The following LAMA3 variants were observed in gnomAD, a reference collection of about 807,000 sequenced individuals.
The protein encoded by LAMA3 is laminin subunit alpha 3, also known as laminin subunit alpha-3.
Under a neutral mutation model 402.0 loss-of-function variants are expected in LAMA3, and 281 were observed. The observed-to-expected ratio is 0.70, with a 90% CI of 0.63 to 0.77. The LOEUF is 0.77. Ranked by LOEUF, LAMA3 falls within the 30% of genes least tolerant of loss-of-function variation. The pLI is 0.00. For synonymous variants in LAMA3, 1,431 were observed against 1,558.4 expected, an observed-to-expected ratio of 0.92 and a Z score of 1.93; for missense variants, 3,840 against 4,215.5, an observed-to-expected ratio of 0.91 and a Z score of 2.47.
At chr18:23,820,463 G>C (rs930070304) in intron 19 of LAMA3, among the ~76,000 whole-genome samples, 1 of 152,086 alleles carries the variant, frequency 6.6e-6, no homozygotes, top group Non-Finnish European at 1.5e-5. Flanking sequence ...TGCTATGTAC[G>C]TGGAAACTAA....
chr18:23,871,411 C>A lies in LAMA3; in HGVS notation c.4768-20C>A. On this transcript the variant is annotated intron_variant, in intron 37 of 74. Transcript: ENST00000313654. ...TGAGCCTGCCTAAGGAAGACCCTGA[C>A]TTTCTGTTTCCATGTGTAGGGAAAC... is the stretch of plus-strand genomic sequence containing the variant. 6.2e-6 allele frequency: 10 copies of A among 1,610,096 alleles called. No homozygotes were observed. Among genetic ancestry groups the A allele is most frequent in the Non-Finnish European group, 8.5e-6 (10 of 1,176,332 alleles).
intron 67 of LAMA3, among the ~76,000 whole-genome samples, chr18:23,939,011 GA>G (rs1273034538): frequency 6.6e-6 from 1 of 152,110 alleles, no homozygotes; most frequent in Non-Finnish European, 1.5e-5. Context: ...GCTAAATAAA[GA>G]ATGAGCTCTC....
chr18:23,950,251 G>A (rs2082862041), intron 72 of LAMA3, 92 bp downstream of exon 72: 5 of 1,437,342 alleles, frequency 3.5e-6, no homozygotes, highest in Non-Finnish European at 4.9e-6. Flanking sequence ...GTAGAGAATG[G>A]GATCCAATCT....
chr18:23,859,934 G>A (rs2064174503), intron 34 of LAMA3, among the ~76,000 whole-genome samples: 1 of 152,142 alleles, frequency 6.6e-6, no homozygotes, highest in Non-Finnish European at 1.5e-5. Context: ...AGAGGACTCA[G>A]CCACCACTTA....
chr18:23,917,432 A>C (rs1350369869), intron 60 of LAMA3, among the ~76,000 whole-genome samples: 3 of 152,226 alleles, frequency 2.0e-5, no homozygotes, highest in African/African-American at 7.2e-5. Context: ...TTATTTGAGA[A>C]ATAGACAAAC....
intron 2 of LAMA3, among the ~76,000 whole-genome samples, chr18:23,718,549 G>T (rs751023314): frequency 5.9e-5 from 9 of 152,194 alleles, no homozygotes; most frequent in Non-Finnish European, 1.2e-4. Context: ...GCCCTGAAAA[G>T]GACTGAGTGT....
intron 41 of LAMA3, among the ~76,000 whole-genome samples, chr18:23,886,545 G>A (rs1295082524): frequency 2.0e-5 from 3 of 151,928 alleles, no homozygotes; most frequent in African/African-American, 7.3e-5. Flanking sequence ...GGGATGCTGA[G>A]GTAGGAGAAC....
At position 23,918,205 on chromosome 18, in the gene LAMA3, G is replaced by A. The variant is rs1225349825; in HGVS notation, c.7923+1510G>A. On this transcript the variant is annotated intron_variant, in intron 60 of 74. Transcript: ENST00000313654. The surrounding 1 kb of genome is among the most constrained non-coding windows in gnomAD (Gnocchi z 4.1). ...TGTCGAAGATCAGATGGTTGTAGGC[G>A]TGTGGCTTTATCTCTGGGCTCTCTA... Among the ~76,000 whole-genome samples the A allele has an allele frequency of 2.6e-5, 4 of 152,120 alleles. No individual in the cohort carries two copies. The highest frequency in any genetic ancestry group is 6.5e-5 in the Admixed American group (1 of 15,276).
intron 25 of LAMA3, among the ~76,000 whole-genome samples, chr18:23,838,538 A>C (rs1171764352): frequency 6.6e-6 from 1 of 152,216 alleles, no homozygotes; most frequent in African/African-American, 2.4e-5. Flanking sequence ...TCTCAGTTCT[A>C]TTTATGTGAG....
chr18:23,846,632 T>TC, intron 31 of LAMA3, 124 bp downstream of exon 31: 1 of 941,344 alleles, frequency 1.1e-6, no homozygotes, highest in Non-Finnish European at 1.7e-6. Context: ...GAAATGCAGA[T>TC]TCTGATTCAG....
chr18:23,867,786 A>G (rs2064399768), intron 36 of LAMA3, 48 bp from the exon 37 acceptor site: 1 of 1,398,828 alleles, frequency 7.1e-7, no homozygotes, highest in African/African-American at 1.4e-5. Context: ...ATAAATCTTG[A>G]AAGATCCCAG....
chr18:23,805,537 A>G (rs982818181), intron 12 of LAMA3, among the ~76,000 whole-genome samples: 1 of 152,170 alleles, frequency 6.6e-6, no homozygotes, highest in Non-Finnish European at 1.5e-5. Flanking sequence ...CTGAGGATGT[A>G]TATTCCAGTT....
At chr18:23,936,483 T>C (rs2082318791) in intron 67 of LAMA3, among the ~76,000 whole-genome samples, 1 of 149,862 alleles carries the variant, frequency 6.7e-6, no homozygotes, top group Admixed American at 6.7e-5. Context: ...AACGTGCTCT[T>C]CTCCCAGGCA....
At position 23,903,046 on chromosome 18, in the gene LAMA3, T is replaced by C. The variant is rs778393719; in HGVS notation, c.6239T>C (p.Phe2080Ser). ...GAAATAAATTCCCTGCAGAGTGATT[T>C]CACCAAGTATCTAACCACTGCAGAC... ...VKEINSLQSD[F>S]TKYLTTADSS... The change falls in exon 49 of 75, where the codon TTC becomes TCC. Residue 2080 changes from phenylalanine (F) to serine (S), a missense_variant. Physicochemically the swap from Phe to Ser is radical, Grantham distance 155 (BLOSUM62 -2). Transcript: ENST00000313654. 2 of 1,612,578 alleles carry C rather than the reference T, an allele frequency of 1.2e-6. No individual in the cohort carries two copies. Among genetic ancestry groups the C allele is most frequent in the South Asian group, 2.2e-5 (2 of 91,056 alleles).
intron 15 of LAMA3, 151 bp from the exon 16 acceptor site, chr18:23,815,037 T>C: frequency 1.4e-6 from 1 of 726,956 alleles, no homozygotes. Flanking sequence ...AGCAGTCTAA[T>C]TTTAGGCCTC....
chr18:23,816,785 A>G (rs563100410), intron 18 of LAMA3, among the ~76,000 whole-genome samples: 1 of 152,190 alleles, frequency 6.6e-6, no homozygotes, highest in African/African-American at 2.4e-5. Flanking sequence ...GTGGGTTCTC[A>G]GGGCTCAACT....
chr18:23,729,346 A>G (rs888212491), intron 2 of LAMA3, among the ~76,000 whole-genome samples: 2 of 152,210 alleles, frequency 1.3e-5, no homozygotes, highest in African/African-American at 4.8e-5. Flanking sequence ...TGTCTGCCCT[A>G]TTCTCATATG....
At chr18:23,732,379 A>G (rs1487980122) in intron 2 of LAMA3, among the ~76,000 whole-genome samples, 6 of 152,194 alleles carry the variant, frequency 3.9e-5, no homozygotes. Flanking sequence ...GAGGGTGGGA[A>G]TGAACATGGT....
chr18:23,887,192 C>T (rs1451990437), intron 41 of LAMA3, among the ~76,000 whole-genome samples: 5 of 152,192 alleles, frequency 3.3e-5, no homozygotes, highest in Non-Finnish European at 7.3e-5. Flanking sequence ...AAGGGCTTTC[C>T]AGTCCAGTGG....
Sources: allele counts gnomAD v4.1 joint callset (sites outside exome capture counted in the v4.1 genomes callset), GRCh38; gene constraint gnomAD v4.1.1; non-coding constraint Gnocchi (gnomAD v3.1); transcripts MANE v1.5; gene names NCBI Gene and HGNC (gene_info 2026-07-23, HGNC 2026-07-21).